The following DHX15 variants were observed in gnomAD, a reference collection of about 807,000 sequenced individuals.
DHX15 encodes ATP-dependent RNA helicase DHX15.
A neutral mutation model predicts 94.4 loss-of-function variants in DHX15; 11 were observed. The ratio of observed to expected loss-of-function variants is 0.12; its 90% CI spans 0.07 to 0.19. The LOEUF (loss-of-function observed/expected upper bound fraction) is 0.19. DHX15 is among the 10% of genes least tolerant of loss of function. The probability of loss-of-function intolerance (pLI) is 1.00; values close to 1 mark genes in which losing one functional copy is unlikely to be tolerated. For synonymous variants in DHX15, 338 were observed against 329.9 expected (o/e 1.02, Z -0.27); for missense variants, 304 against 988.5 (o/e 0.31, Z 9.29).
In DHX15 at chr4:24,551,512, A is replaced by T. The variant is rs549765660; in HGVS notation, c.1081-2490T>A. Among the ~76,000 whole-genome samples, 6 of 152,308 alleles carry T rather than the reference A, an allele frequency of 3.9e-5. No homozygotes were observed. The South Asian group carries it at 1.0e-3, about 26-fold the overall frequency. On this transcript the variant is annotated intron_variant, in intron 5 of 13. Coordinates refer to ENST00000336812, the MANE Select transcript of DHX15 (RefSeq NM_001358.3). ...ATCTGTCTCAAAAATTGTGACACAG[A>T]AAACTATTAAAGATTCAATGTTACT...
chr4:24,542,252 C>CACAGCTTATATAAA (rs1721327403), intron 7 of DHX15, among the ~76,000 whole-genome samples: 1 of 152,122 alleles, frequency 6.6e-6, no homozygotes, highest in Admixed American at 6.5e-5. Context: ...TTGTCAAACA[C>CACAGCTTATATAAA]ACAGCTTATA....
chr4:24,528,105 T>C (rs905677718), intron 13 of DHX15, 64 bp from the exon 14 acceptor site: 27 of 1,106,086 alleles, frequency 2.4e-5, no homozygotes, highest in African/African-American at 2.3e-4. Context: ...GAGTTGTTAA[T>C]AGGATAGGCA....
At chr4:24,535,783 C>T (rs1721185538) in intron 11 of DHX15, among the ~76,000 whole-genome samples, 1 of 152,134 alleles carries the variant, frequency 6.6e-6, no homozygotes, top group Non-Finnish European at 1.5e-5. Flanking sequence ...AATAAATTCA[C>T]CATCACCCCT....
chr4:24,583,165 G>A lies in DHX15; in HGVS notation c.71+1158C>T, dbSNP rs554146802. Among the ~76,000 whole-genome samples the A allele has an allele frequency of 2.6e-5, 4 of 152,314 alleles. No homozygotes were observed. In the East Asian group the frequency reaches 7.7e-4, roughly 29 times the overall value. On this transcript the variant is annotated intron_variant, in intron 1 of 13. Transcript: ENST00000336812. ...CAATAAAATGATACAATTATGCAAAGTATTTGGCTACTCGGGCTTTTGTGG... is the reference window on the plus strand; with the variant it reads ...CAATAAAATGATACAATTATGCAAAATATTTGGCTACTCGGGCTTTTGTGG...
chr4:24,574,391 C>T (rs967431489), intron 2 of DHX15, among the ~76,000 whole-genome samples: 3 of 151,944 alleles, frequency 2.0e-5, no homozygotes, highest in Non-Finnish European at 4.4e-5. Context: ...CCCTTCAAAT[C>T]CCCCAGATGT....
At position 24,554,955 on chromosome 4, in the gene DHX15, CA is replaced by C; in HGVS notation, c.862-13del. The stretch of plus-strand genomic sequence containing the variant: ...CTCATAACTATAACCTGAAAGAAAA[CA>C]GTAAATTATTTGAAGCTGTCTTCAA... On this transcript the variant is annotated splice_polypyrimidine_tract_variant and intron_variant, in intron 4 of 13. Transcript: ENST00000336812. The C allele has an allele frequency of 6.2e-7, 1 of 1,602,134 alleles. No individual in the cohort carries two copies. The highest frequency in any genetic ancestry group is 2.2e-5 in the East Asian group (1 of 44,704).
intron 2 of DHX15, among the ~76,000 whole-genome samples, chr4:24,573,834 C>T (rs1258873086): frequency 1.3e-5 from 2 of 152,130 alleles, no homozygotes; most frequent in Non-Finnish European, 2.9e-5. Context: ...GCTTCAATTC[C>T]TTCCTCATGT....
chr4:24,561,178 T>C (rs890947227), intron 3 of DHX15, among the ~76,000 whole-genome samples: 1 of 152,194 alleles, frequency 6.6e-6, no homozygotes, highest in African/African-American at 2.4e-5. Context: ...AAACTGCAAA[T>C]GAGGTTCCAT....
intron 9 of DHX15, 84 bp from the exon 10 acceptor site, chr4:24,540,383 A>C: frequency 1.2e-3 from 1,431 of 1,176,754 alleles, no homozygotes; most frequent in Non-Finnish European, 1.6e-3. Flanking sequence ...AAGCAATCTC[A>C]TTTTTCATTT....
chr4:24,573,618 TAAA>T (rs1057478336), intron 2 of DHX15, among the ~76,000 whole-genome samples: 2 of 152,196 alleles, frequency 1.3e-5, no homozygotes, highest in African/African-American at 4.8e-5. Context: ...GGAGTTTTTT[TAAA>T]AAAAAATCCT....
intron 5 of DHX15, among the ~76,000 whole-genome samples, chr4:24,549,899 C>T (rs1444112482): frequency 6.6e-6 from 1 of 151,564 alleles, no homozygotes; most frequent in Non-Finnish European, 1.5e-5. Flanking sequence ...TTCGAGACCA[C>T]CCTGACCAAC....
intron 2 of DHX15, among the ~76,000 whole-genome samples, chr4:24,574,230 T>TAAAAAAAAAAAAAAAAAAAAAAAA (rs1413770864): frequency 1.2e-5 from 1 of 81,862 alleles, no homozygotes; most frequent in Non-Finnish European, 2.7e-5. Flanking sequence ...AAAAAAAAAG[T>TAAAAAAAAAAAAAAAAAAAAAAAA]TAAAGTCATT....
At chr4:24,543,512 A>C (rs1045434462) in intron 6 of DHX15, among the ~76,000 whole-genome samples, 5 of 152,168 alleles carry the variant, frequency 3.3e-5, no homozygotes, top group African/African-American at 1.2e-4. Context: ...AAAAAACTCA[A>C]GTTATAATCC....
At chr4:24,561,297 G>A (rs1022986443) in intron 3 of DHX15, among the ~76,000 whole-genome samples, 3 of 152,136 alleles carry the variant, frequency 2.0e-5, no homozygotes, top group Admixed American at 1.3e-4. Context: ...CAGTCAGCAT[G>A]GCTACTAAAA....
intron 13 of DHX15, among the ~76,000 whole-genome samples, chr4:24,528,463 A>G (rs1394545621): frequency 6.6e-6 from 1 of 152,122 alleles, no homozygotes; most frequent in African/African-American, 2.4e-5. Flanking sequence ...GTAACTCTAT[A>G]CCCCCAAAAT....
chr4:24,572,061 A>G (rs1722133179), intron 2 of DHX15, among the ~76,000 whole-genome samples: 1 of 152,226 alleles, frequency 6.6e-6, no homozygotes. Context: ...AGATCTAGAA[A>G]GTGAAATTCA....
chr4:24,568,675 T>C (rs1293739357), intron 3 of DHX15, among the ~76,000 whole-genome samples: 3 of 152,226 alleles, frequency 2.0e-5, no homozygotes, highest in East Asian at 3.8e-4. Context: ...AATTCTGTTC[T>C]CAACTGTGGC....
chr4:24,572,441 T>C (rs1722144155), intron 2 of DHX15, among the ~76,000 whole-genome samples: 2 of 152,122 alleles, frequency 1.3e-5, no homozygotes, highest in African/African-American at 4.8e-5. Context: ...TGGCCAAGAA[T>C]GTTCAGATTT....
At chr4:24,533,077 G>A (rs769858462) in intron 11 of DHX15, 23 bp from the exon 12 acceptor site, 1 of 1,598,816 alleles carries the variant, frequency 6.3e-7, no homozygotes, top group Non-Finnish European at 8.6e-7. Flanking sequence ...AAGGCGGGGA[G>A]AAAAGAAGGC....
Sources: allele counts gnomAD v4.1 joint callset (sites outside exome capture counted in the v4.1 genomes callset), GRCh38; gene constraint gnomAD v4.1.1; transcripts MANE v1.5; gene names NCBI Gene and HGNC (gene_info 2026-07-23, HGNC 2026-07-21).